The following UTRN variants were observed in gnomAD, a reference collection of about 807,000 sequenced individuals.
UTRN encodes utrophin, also known as dystrophin-related protein 1.
A neutral mutation model predicts 463.9 loss-of-function variants in UTRN; 283 were observed. The observed-to-expected ratio is 0.61, with a 90% CI of 0.55 to 0.67. The LOEUF is 0.67. Among genes scored for constraint, UTRN ranks in the 30% least tolerant of loss-of-function variants. The probability of loss-of-function intolerance (pLI) is 0.00; values close to 1 mark genes in which losing one functional copy is unlikely to be tolerated. For missense variants in UTRN, 3,922 were observed against 4,084.3 expected, an observed-to-expected ratio of 0.96 and a Z score of 1.08; for synonymous variants, 1,442 against 1,431.5, an observed-to-expected ratio of 1.01 and a Z score of -0.17.
chr6:144,356,155 T>C (rs1778527717), intron 2 of UTRN, among the ~76,000 whole-genome samples: 1 of 152,210 alleles, frequency 6.6e-6, no homozygotes, highest in Non-Finnish European at 1.5e-5. Flanking sequence ...TGAATGACAA[T>C]CATTACTTAT....
intron 58 of UTRN, among the ~76,000 whole-genome samples, chr6:144,771,203 A>G (rs1401499107): frequency 6.6e-6 from 1 of 152,128 alleles, no homozygotes; most frequent in Non-Finnish European, 1.5e-5. Flanking sequence ...TTGTAGTTTC[A>G]GTTCTGTTTG....
chr6:144,782,395 AG>A (rs1231907377), intron 61 of UTRN, among the ~76,000 whole-genome samples: 3 of 152,140 alleles, frequency 2.0e-5, no homozygotes, highest in African/African-American at 7.2e-5. Flanking sequence ...CCAAAATGCT[AG>A]GGGAAACAAT....
intron 50 of UTRN, among the ~76,000 whole-genome samples, chr6:144,571,448 A>G (rs551592496): frequency 5.3e-5 from 8 of 152,290 alleles, no homozygotes; most frequent in African/African-American, 1.9e-4. Flanking sequence ...AGAGGCAACT[A>G]TTCTCCTTAC....
At chr6:144,305,612 A>C (rs1805661831) in intron 2 of UTRN, among the ~76,000 whole-genome samples, 1 of 152,270 alleles carries the variant, frequency 6.6e-6, no homozygotes, top group South Asian at 2.1e-4. Flanking sequence ...GGACTGGGCC[A>C]GGGAAAAGCT....
chr6:144,610,903 A>C (rs905630772), intron 51 of UTRN, among the ~76,000 whole-genome samples: 6 of 152,022 alleles, frequency 3.9e-5, no homozygotes, highest in Non-Finnish European at 4.4e-5. Context: ...CCAAACCAAA[A>C]CAAACAAGAA....
chr6:144,421,614 T>G (rs1004014281), intron 3 of UTRN, among the ~76,000 whole-genome samples: 5 of 151,516 alleles, frequency 3.3e-5, no homozygotes, highest in Non-Finnish European at 7.4e-5. Flanking sequence ...GCGTGAACCC[T>G]GGAGGCGGAG....
intron 2 of UTRN, among the ~76,000 whole-genome samples, chr6:144,309,405 C>G (rs1284187871): frequency 6.6e-6 from 1 of 152,204 alleles, no homozygotes; most frequent in Non-Finnish European, 1.5e-5. Context: ...AACTCCTGAT[C>G]TCCCGTAAAC....
In UTRN at chr6:144,459,223, G is replaced by C; in HGVS notation, c.2576G>C (p.Arg859Pro). ...CTTCACCCCAAAATTGAAATGGCTC[G>C]TGCAAGCTGCTCGGCCCTGATGTCT... ...LGLHPKIEMA[R>P]ASCSALMSQP... The change falls in exon 21 of 75, where the codon CGT (arginine) becomes CCT (proline). Residue 859 changes from arginine to proline, a missense_variant. Physicochemically the swap from Arg to Pro is moderately radical, Grantham distance 103 (BLOSUM62 -2). Around this residue, in one of 3 missense-constraint regions of UTRN, gnomAD observed 2,349 missense variants for 2,303.8 expected, o/e 1.02. Transcript: ENST00000367545. 6.2e-7 allele frequency: 1 copy of C among 1,613,768 alleles called. No homozygotes were observed. Among genetic ancestry groups the C allele is most frequent in the Non-Finnish European group, 8.5e-7 (1 of 1,179,926 alleles).
At chr6:144,413,734 T>C (rs567624112) in intron 3 of UTRN, among the ~76,000 whole-genome samples, 2 of 152,322 alleles carry the variant, frequency 1.3e-5, no homozygotes, top group East Asian at 3.9e-4. Flanking sequence ...GTACAGTACA[T>C]AATACTTGGT....
At position 144,767,781 on chromosome 6, in the gene UTRN, G is replaced by A. The variant is rs545336692; in HGVS notation, c.8496-4126G>A. Among the ~76,000 whole-genome samples the A allele has an allele frequency of 1.2e-4, 18 of 152,138 alleles. 1 individual carries two copies. The East Asian group carries it at 3.1e-3, about 26-fold the overall frequency. ...TTTTCTTTGATTGTCTTATCTCAGA[G>A]CAATATACATAGTTCTTGTCCCCAC... On this transcript the variant is annotated intron_variant, in intron 58 of 74. Coordinates refer to ENST00000367545, the MANE Select transcript of UTRN (RefSeq NM_007124.3).
chr6:144,301,468 G>C (rs1279600993), intron 2 of UTRN, among the ~76,000 whole-genome samples: 2 of 151,644 alleles, frequency 1.3e-5, no homozygotes, highest in African/African-American at 2.4e-5. Flanking sequence ...CAGAGAGGGG[G>C]TCTCTCTGCA....
intron 51 of UTRN, among the ~76,000 whole-genome samples, chr6:144,600,473 G>A (rs1370871228): frequency 6.6e-6 from 1 of 152,190 alleles, no homozygotes; most frequent in Non-Finnish European, 1.5e-5. Flanking sequence ...CATTTTAGTG[G>A]TCTGGATAGA....
chr6:144,499,217 C>T (rs770396967), intron 33 of UTRN, 40 bp from the exon 34 acceptor site: 20 of 1,572,668 alleles, frequency 1.3e-5, no homozygotes, highest in South Asian at 2.3e-5. Flanking sequence ...TGTTCATTCC[C>T]ATCTCAGTCT....
chr6:144,841,536 A>G (rs1781575626), intron 73 of UTRN, among the ~76,000 whole-genome samples: 1 of 152,174 alleles, frequency 6.6e-6, no homozygotes, highest in Non-Finnish European at 1.5e-5. Flanking sequence ...CTGAGCTCTC[A>G]CCTAAAACAC....
In UTRN at chr6:144,531,127, G is replaced by A. The variant is rs1797022182; in HGVS notation, c.5982G>A (p.Glu1994=). 1 of 1,614,056 alleles carries A rather than the reference G, an allele frequency of 6.2e-7. No individual in the cohort carries two copies. The highest frequency in any genetic ancestry group is 1.3e-5 in the African/African-American group (1 of 75,034). The change falls in exon 42 of 75, where the codon GAG becomes GAA. Residue 1994 remains glutamate, a synonymous_variant. Transcript: ENST00000367545. ...DLNDLTQWIT[E]AEELLVDTCA... is the part of the protein sequence containing the mutation. ...ATGACCTCACACAGTGGATAACAGA[G>A]GCTGAAGAATTACTGGTTGATACCT...
chr6:144,632,262 T>C (rs1332036121), intron 51 of UTRN, among the ~76,000 whole-genome samples: 1 of 152,182 alleles, frequency 6.6e-6, no homozygotes, highest in Non-Finnish European at 1.5e-5. Context: ...TATATTCTGT[T>C]CTATAATTGT....
At chr6:144,608,401 G>A (rs937435907) in intron 51 of UTRN, among the ~76,000 whole-genome samples, 6 of 152,080 alleles carry the variant, frequency 3.9e-5, no homozygotes, top group African/African-American at 9.7e-5. Context: ...AGAAGTTATC[G>A]GGCCTCATTC....
intron 56 of UTRN, among the ~76,000 whole-genome samples, chr6:144,752,198 G>T (rs1414450511): frequency 6.6e-6 from 1 of 152,072 alleles, no homozygotes; most frequent in East Asian, 1.9e-4. Context: ...ATTGCAAAAG[G>T]TTAAATAAAT....
intron 65 of UTRN, among the ~76,000 whole-genome samples, chr6:144,803,547 C>A (rs1398242892): frequency 6.6e-6 from 1 of 151,836 alleles, no homozygotes; most frequent in Non-Finnish European, 1.5e-5. Flanking sequence ...AATAAACTAC[C>A]TTCTAATTTT....
Sources: gnomAD v4.1 joint callset for allele counts (sites outside exome capture counted in the v4.1 genomes callset) on GRCh38, gnomAD v4.1.1 for gene constraint, gnomAD v4.1.1 regional missense constraint, MANE v1.5 for transcripts, NCBI Gene and HGNC (gene_info 2026-07-23, HGNC 2026-07-21) for gene names.